Variants in BLTP1 observed in about 807,000 individuals in gnomAD.
BLTP1 encodes fragile site-associated protein.
At chr4:122,350,536 A>G in the BLTP1 span, 285 of 224,426 alleles carry the variant, frequency 1.3e-3, 3 homozygotes, top group African/African-American at 6.4e-3. Context: ...CATGAAGCTC[A>G]GATTCTAATG....
At chr4:122,210,172 G>C in the BLTP1 span, 1 of 227,482 alleles carries the variant, frequency 4.4e-6, no homozygotes, top group South Asian at 1.6e-4. Flanking sequence ...CTGTGAGAAA[G>C]ATATTATCAT....
the BLTP1 span, chr4:122,328,490 T>A: frequency 1.3e-6 from 1 of 791,602 alleles, no homozygotes; most frequent in Non-Finnish European, 1.8e-6. Context: ...AACAGACTCA[T>A]TAAAATAAAA....
the BLTP1 span, chr4:122,255,302 A>C: frequency 6.5e-7 from 1 of 1,531,490 alleles, no homozygotes. Flanking sequence ...CTGAAACTAC[A>C]TTAGTTTTAA....
the BLTP1 span, among the ~76,000 whole-genome samples, chr4:122,268,065 C>A: frequency 3.3e-5 from 5 of 151,698 alleles, no homozygotes; most frequent in Non-Finnish European, 7.4e-5. Flanking sequence ...TAACAATGAC[C>A]GTACAAGCTG....
At chr4:122,286,602 T>A in the BLTP1 span, 1 of 1,614,120 alleles carries the variant, frequency 6.2e-7, no homozygotes, top group South Asian at 1.1e-5. Context: ...CTTCAAAAGT[T>A]TCTGCCACAG....
the BLTP1 span, chr4:122,361,912 C>T: frequency 1.8e-6 from 2 of 1,118,922 alleles, no homozygotes; most frequent in South Asian, 1.8e-5. Flanking sequence ...ACAAATGTAC[C>T]TACTGAAAAT....
the BLTP1 span, chr4:122,244,659 A>G: frequency 1.8e-5 from 18 of 981,566 alleles, no homozygotes; most frequent in East Asian, 1.1e-4. Flanking sequence ...ACGAGCTTTC[A>G]TGAAAATCTT....
chr4:122,193,833 C>T, the BLTP1 span: 1 of 164,656 alleles, frequency 6.1e-6, no homozygotes, highest in African/African-American at 2.4e-5. Context: ...ATCTAGCTAG[C>T]ATTATTAGAA....
At chr4:122,357,363 G>C in the BLTP1 span, among the ~76,000 whole-genome samples, 1 of 151,948 alleles carries the variant, frequency 6.6e-6, no homozygotes, top group Non-Finnish European at 1.5e-5. Flanking sequence ...AGGGCTTTGA[G>C]ACCAGCCTAG....
the BLTP1 span, among the ~76,000 whole-genome samples, chr4:122,275,760 C>T: frequency 3.3e-5 from 5 of 152,016 alleles, no homozygotes; most frequent in South Asian, 1.0e-3. Context: ...CTGCCAAACT[C>T]GTAGTGTATT....
chr4:122,161,975 A>G, the BLTP1 span, among the ~76,000 whole-genome samples: 1 of 152,178 alleles, frequency 6.6e-6, no homozygotes, highest in Non-Finnish European at 1.5e-5. Flanking sequence ...TTAGTGGGGG[A>G]GATACATTTC....
At chr4:122,316,226 G>C in the BLTP1 span, 4 of 353,088 alleles carry the variant, frequency 1.1e-5, no homozygotes, top group African/African-American at 8.6e-5. Flanking sequence ...CTTATTCTTT[G>C]ATTTCATTCT....
At chr4:122,228,319 C>T in the BLTP1 span, among the ~76,000 whole-genome samples, 1 of 152,056 alleles carries the variant, frequency 6.6e-6, no homozygotes, top group East Asian at 1.9e-4. Context: ...GCTGTATATA[C>T]CTGTGTAACT....
the BLTP1 span, among the ~76,000 whole-genome samples, chr4:122,165,000 C>T: frequency 1.3e-5 from 2 of 152,006 alleles, no homozygotes; most frequent in Admixed American, 6.6e-5. Context: ...TAAATACAAA[C>T]GTATGCACTG....
At chr4:122,336,568 C>G in the BLTP1 span, 1 of 821,080 alleles carries the variant, frequency 1.2e-6, no homozygotes, top group African/African-American at 2.1e-5. Flanking sequence ...TCCCATGGCC[C>G]CACCTAGTTA....
the BLTP1 span, chr4:122,336,755 G>A: frequency 1.5e-5 from 19 of 1,271,478 alleles, no homozygotes; most frequent in South Asian, 2.8e-4. Flanking sequence ...AGAATGAAGG[G>A]CTACAGAAGC....
chr4:122,292,556 G>A, the BLTP1 span: 4 of 859,634 alleles, frequency 4.7e-6, no homozygotes, highest in South Asian at 2.1e-4. Flanking sequence ...GAAGAAAATA[G>A]TATGTTAACG....
At chr4:122,353,463 AAAT>A in the BLTP1 span, among the ~76,000 whole-genome samples, 1 of 152,192 alleles carries the variant, frequency 6.6e-6, no homozygotes, top group African/African-American at 2.4e-5. The surrounding 1 kb of genome is among the most constrained non-coding windows in gnomAD (Gnocchi z 4.3). Context: ...TAGTGTGAGG[AAAT>A]TATTTGCCAG....
At chr4:122,191,851 C>A in the BLTP1 span, among the ~76,000 whole-genome samples, 1 of 152,022 alleles carries the variant, frequency 6.6e-6, no homozygotes, top group African/African-American at 2.4e-5. Flanking sequence ...TTAAGCTAGA[C>A]ATTAGAGATT....
Sources: allele counts gnomAD v4.1 joint callset (sites outside exome capture counted in the v4.1 genomes callset), GRCh38; gene constraint gnomAD v4.1.1; non-coding constraint Gnocchi (gnomAD v3.1); transcripts MANE v1.5; gene names NCBI Gene and HGNC (gene_info 2026-07-23, HGNC 2026-07-21).